Variants in UTY observed in about 807,000 individuals in gnomAD.
UTY encodes histone demethylase UTY.
UTY carries 12 observed loss-of-function variants against 32.5 expected under a neutral mutation model. That is an observed-to-expected ratio of 0.37 (90% CI 0.24 to 0.60). The LOEUF (loss-of-function observed/expected upper bound fraction) is 0.60. Ranked by LOEUF, UTY falls within the 20% of genes least tolerant of loss-of-function variation. The probability of loss-of-function intolerance (pLI) is 0.69; values close to 1 mark genes in which losing one functional copy is unlikely to be tolerated. For missense variants in UTY, 303 were observed against 299.2 expected (o/e 1.01, Z -0.09); for synonymous variants, 131 against 103.4 (o/e 1.27, Z -1.62).
intron 25 of UTY, 98 bp downstream of exon 25, chrY:13,302,779 A>G: frequency 5.6e-6 from 1 of 178,903 alleles, no homozygotes; most frequent in East Asian, 1.1e-4. Context: ...GCAGTAAGTA[A>G]AAACTGATAG....
At chrY:13,303,603 G>C (rs1603350217) in intron 24 of UTY, among the ~76,000 whole-genome samples, 2 of 32,980 alleles carry the variant, frequency 6.1e-5, no homozygotes, top group East Asian at 1.6e-3. Context: ...AATTATATCT[G>C]GCAAACAAAA....
intron 27 of UTY, among the ~76,000 whole-genome samples, chrY:13,264,956 A>G (rs2055632746): frequency 6.0e-5 from 2 of 33,585 alleles, no homozygotes; most frequent in Non-Finnish European, 1.5e-4. Context: ...AGTTTTCTGC[A>G]TATGGCTAGC....
chrY:13,326,155 G>A, intron 19 of UTY, 66 bp downstream of exon 19: 2 of 371,046 alleles, frequency 5.4e-6, no homozygotes, highest in Non-Finnish European at 7.6e-6. Flanking sequence ...AGAATACATC[G>A]ATTTTCTACA....
chrY:13,362,725 C>A (rs955520350), intron 10 of UTY, among the ~76,000 whole-genome samples: 3 of 33,009 alleles, frequency 9.1e-5, no homozygotes, highest in Non-Finnish European at 2.2e-4. Flanking sequence ...TTCCATGAAA[C>A]CAAAGCAGGT....
chrY:13,313,362 G>T, intron 21 of UTY, among the ~76,000 whole-genome samples: 1 of 33,292 alleles, frequency 3.0e-5, no homozygotes, highest in Admixed American at 2.7e-4. Flanking sequence ...AGGATTAAAT[G>T]AGTTTTGATT....
At chrY:13,377,229 T>C (rs1603444625) in intron 8 of UTY, among the ~76,000 whole-genome samples, 2 of 33,405 alleles carry the variant, frequency 6.0e-5, no homozygotes, top group Admixed American at 5.5e-4. Flanking sequence ...GGCAACATAA[T>C]TTACATTTGC....
intron 6 of UTY, among the ~76,000 whole-genome samples, chrY:13,408,048 C>T: frequency 3.1e-5 from 1 of 32,157 alleles, no homozygotes; most frequent in Admixed American, 2.9e-4. Context: ...AATATTAGCC[C>T]TCTGATAGGA....
At chrY:13,433,891 C>A (rs2074275381) in intron 4 of UTY, among the ~76,000 whole-genome samples, 1 of 33,906 alleles carries the variant, frequency 2.9e-5, no homozygotes, top group South Asian at 6.4e-4. Context: ...ACATTCATCA[C>A]TAATTGCCTA....
intron 27 of UTY, among the ~76,000 whole-genome samples, chrY:13,292,222 G>A: frequency 3.1e-5 from 1 of 32,467 alleles, no homozygotes; most frequent in African/African-American, 1.2e-4. Context: ...AGGCCAAGAT[G>A]GGCTTCAAAC....
chrY:13,284,835 T>C, intron 27 of UTY, among the ~76,000 whole-genome samples: 1 of 34,557 alleles, frequency 2.9e-5, no homozygotes, highest in Admixed American at 2.6e-4. Context: ...AAATATTCCA[T>C]CTGCACATTA....
chrY:13,251,897 T>C (rs1048438677), intron 28 of UTY, among the ~76,000 whole-genome samples: 3 of 32,359 alleles, frequency 9.3e-5, no homozygotes, highest in African/African-American at 1.2e-4. Flanking sequence ...AAAAGCCAAA[T>C]TGGCCGGGCG....
intron 27 of UTY, among the ~76,000 whole-genome samples, chrY:13,277,239 C>T (rs1002494489): frequency 3.0e-5 from 1 of 33,495 alleles, no homozygotes; most frequent in Non-Finnish European, 7.4e-5. Context: ...GTGTTATCTG[C>T]GGGCAGTAAA....
At chrY:13,307,475 T>A (rs2058756444) in intron 21 of UTY, among the ~76,000 whole-genome samples, 2 of 30,182 alleles carry the variant, frequency 6.6e-5, no homozygotes, top group Non-Finnish European at 1.6e-4. Flanking sequence ...ACAAAACTCA[T>A]GCAAAAAAAA....
Position 13,355,250 on chromosome Y carries a change from C to T in UTY, c.1814G>A (p.Arg605His), listed in dbSNP as rs757071659. The change falls in exon 17 of 30, where the codon CGC becomes CAC. Residue 605 changes from arginine to histidine, a missense_variant. Coordinates refer to ENST00000545955, the MANE Select transcript of UTY (RefSeq NM_001258249.2). The part of the protein sequence containing the change: ...RVSSVSQPGV[R>H]PACVEKLLSS... ...CAAAAGTTTTTCAACACAAGCAGGGCGAACTCCAGGCTGAGAGACGCTAGA... is the reference window on the plus strand; with the variant it reads ...CAAAAGTTTTTCAACACAAGCAGGGTGAACTCCAGGCTGAGAGACGCTAGA... The T allele has an allele frequency of 2.5e-6, 1 of 396,672 alleles. No individual in the cohort carries two copies. The highest frequency in any genetic ancestry group is 3.5e-6 in the Non-Finnish European group (1 of 282,434).
chrY:13,416,204 T>C (rs950192634), intron 4 of UTY, among the ~76,000 whole-genome samples: 12 of 34,411 alleles, frequency 3.5e-4, no homozygotes, highest in Admixed American at 2.6e-4. Context: ...GCCTTGCATA[T>C]CTCTTTCATT....
At chrY:13,234,885 C>A in intron 28 of UTY, 46 of 102,571 alleles carry the variant, frequency 4.5e-4, no homozygotes, top group South Asian at 2.3e-3. Context: ...CCAGTTCCCA[C>A]CCTTCAGGTC....
intron 28 of UTY, among the ~76,000 whole-genome samples, chrY:13,235,743 A>G: frequency 3.0e-5 from 1 of 33,538 alleles, no homozygotes; most frequent in African/African-American, 1.2e-4. Context: ...ATTAGCTGTG[A>G]AAAGGGAGTT....
chrY:13,470,931 T>G, intron 2 of UTY, among the ~76,000 whole-genome samples: 1 of 33,096 alleles, frequency 3.0e-5, no homozygotes, highest in East Asian at 7.8e-4. Context: ...GAGCACAAAC[T>G]GAGATGTGCT....
chrY:13,251,164 A>G lies in UTY; in HGVS notation c.4161T>C (p.Phe1387=). 2.6e-6 allele frequency: 1 copy of G among 388,598 alleles called. No individual in the cohort carries two copies. Among genetic ancestry groups the G allele is most frequent in the Non-Finnish European group, 3.6e-6 (1 of 277,197 alleles). Residue 1387 remains phenylalanine (F), a synonymous_variant, in exon 29 of 30, where the codon TTT becomes TTC. Coordinates refer to ENST00000545955, the MANE Select transcript of UTY (RefSeq NM_001258249.2). ...ICEVEVFNLL[F]VTNESNTQKT... is the part of the protein sequence containing the mutation. Reference sequence around the variant, plus strand: ...TTTGAGTATTGCTTTCATTAGTGACAAAAAGCAGATTAAAAACCTCCACCT... The same window carrying G: ...TTTGAGTATTGCTTTCATTAGTGACGAAAAGCAGATTAAAAACCTCCACCT...
Sources: gnomAD v4.1 joint callset for allele counts (sites outside exome capture counted in the v4.1 genomes callset) on GRCh38, gnomAD v4.1.1 for gene constraint, MANE v1.5 for transcripts, NCBI Gene and HGNC (gene_info 2026-07-23, HGNC 2026-07-21) for gene names.